Variants in TRIM37 observed in about 807,000 individuals in gnomAD.
TRIM37 encodes E3 ubiquitin-protein ligase TRIM37.
In TRIM37, 80 loss-of-function variants were observed where a neutral mutation model predicts 129.8. That is an observed-to-expected ratio of 0.62 (90% CI 0.51 to 0.74). The LOEUF is 0.74. Among genes scored for constraint, TRIM37 ranks in the 30% least tolerant of loss-of-function variants. TRIM37 has a pLI of 0.00. For missense variants in TRIM37, 1,054 were observed against 1,176.5 expected (o/e 0.90, Z 1.52); for synonymous variants, 389 against 387.1 (o/e 1.00, Z -0.06).
chr17:59,049,128 C>A, intron 15 of TRIM37, 50 bp downstream of exon 15: 1 of 1,454,902 alleles, frequency 6.9e-7, no homozygotes, highest in Non-Finnish European at 9.6e-7. Flanking sequence ...CATGATGCTA[C>A]TGTTTTTTTT....
chr17:59,091,098 G>A (rs564093441), intron 3 of TRIM37, among the ~76,000 whole-genome samples: 1 of 152,138 alleles, frequency 6.6e-6, no homozygotes, highest in South Asian at 2.1e-4. Context: ...GAGAGGCAGA[G>A]TACAACATAG....
Position 59,015,680 on chromosome 17 carries a change from C to A in TRIM37, c.2506G>T (p.Asp836Tyr). The A allele has an allele frequency of 6.2e-7, 1 of 1,614,166 alleles. No individual in the cohort carries two copies. The highest frequency in any genetic ancestry group is 8.5e-7 in the Non-Finnish European group (1 of 1,180,028). Residue 836 changes from aspartate (D) to tyrosine (Y), a missense_variant, in exon 21 of 24, where the codon GAT becomes TAT. By Grantham distance (160) the Asp-to-Tyr change is radical. This residue lies in a region of TRIM37 where 287 missense variants were observed against 274.3 expected (regional missense o/e 1.05). Coordinates refer to ENST00000262294, the MANE Select transcript of TRIM37 (RefSeq NM_015294.6). ...EDRQCKALDS[D>Y]AVVVAVFSGL... ...CTGAAAACTGCAACCACAACAGCAT[C>A]TGAATCCAAAGCTTTACACTGCCGG...
At chr17:59,013,669 TATC>T (rs2035569760) in intron 21 of TRIM37, among the ~76,000 whole-genome samples, 1 of 152,054 alleles carries the variant, frequency 6.6e-6, no homozygotes, top group African/African-American at 2.4e-5. Context: ...TTGAAACACT[TATC>T]ATTAGTATTT....
At chr17:59,026,250 C>G (rs1038036149) in intron 19 of TRIM37, among the ~76,000 whole-genome samples, 4 of 152,120 alleles carry the variant, frequency 2.6e-5, no homozygotes, top group Admixed American at 6.5e-5. Context: ...ACACCATAAA[C>G]AAAATTTAAT....
intron 9 of TRIM37, among the ~76,000 whole-genome samples, chr17:59,065,423 C>A (rs1206052632): frequency 1.3e-5 from 2 of 152,182 alleles, no homozygotes; most frequent in Admixed American, 1.3e-4. Context: ...TGGACTAGCA[C>A]ACTCACACTT....
At chr17:59,097,189 T>C (rs1041043683) in intron 2 of TRIM37, among the ~76,000 whole-genome samples, 3 of 152,094 alleles carry the variant, frequency 2.0e-5, no homozygotes, top group African/African-American at 7.2e-5. Context: ...ACTCTTCCCC[T>C]TAAGATCAGG....
chr17:59,103,139 C>T (rs2045666108), intron 2 of TRIM37, among the ~76,000 whole-genome samples: 2 of 152,054 alleles, frequency 1.3e-5, no homozygotes, highest in South Asian at 4.2e-4. Context: ...TCCCAAAATG[C>T]CGGGATTACA....
At chr17:59,075,563 CAAAAAAAAA>C in intron 8 of TRIM37, 75 bp downstream of exon 8, 1 of 487,256 alleles carries the variant, frequency 2.1e-6, no homozygotes, top group East Asian at 4.7e-5. Context: ...GACTCCATCT[CAAAAAAAAA>C]AAAAAAAAAA....
intron 4 of TRIM37, 126 bp downstream of exon 4, chr17:59,088,165 A>G: frequency 1.5e-6 from 1 of 683,814 alleles, no homozygotes; most frequent in Non-Finnish European, 2.6e-6. Flanking sequence ...TGACTGAAAG[A>G]ATTAAAAACA....
chr17:59,076,080 T>C (rs1486299393), intron 7 of TRIM37, among the ~76,000 whole-genome samples: 1 of 152,228 alleles, frequency 6.6e-6, no homozygotes, highest in Non-Finnish European at 1.5e-5. Context: ...TCTGAAATCA[T>C]TTTTCACCAA....
At chr17:59,083,161 C>A (rs989358775) in intron 5 of TRIM37, among the ~76,000 whole-genome samples, 2 of 152,090 alleles carry the variant, frequency 1.3e-5, no homozygotes, top group Non-Finnish European at 2.9e-5. Context: ...AGAGGCTGGG[C>A]GCGGTGGCTT....
chr17:59,012,218 G>C (rs942959194), intron 22 of TRIM37, 110 bp downstream of exon 22: 51 of 702,010 alleles, frequency 7.3e-5, no homozygotes, highest in Non-Finnish European at 3.0e-5. Context: ...ACTACCACCA[G>C]CAGCAGCAGC....
intron 21 of TRIM37, 115 bp downstream of exon 21, chr17:59,015,495 T>A (rs1258685740): frequency 1.3e-5 from 14 of 1,073,656 alleles, no homozygotes; most frequent in Non-Finnish European, 1.8e-5. Context: ...GTATTTTCTG[T>A]CCACTAAAAA....
chr17:59,031,857 C>A (rs757463202), intron 18 of TRIM37, 39 bp downstream of exon 18: 29 of 1,600,816 alleles, frequency 1.8e-5, no homozygotes, highest in Non-Finnish European at 2.5e-5. Flanking sequence ...TTTTAGAGAA[C>A]CACAGAAAAA....
chr17:58,971,019 G>A, the TRIM37 span, among the ~76,000 whole-genome samples: 68 of 152,014 alleles, frequency 4.5e-4, 1 homozygote, highest in Admixed American at 4.2e-3. Flanking sequence ...TGTTTTGTCA[G>A]TGACCCTGGT....
intron 11 of TRIM37, 87 bp downstream of exon 11, chr17:59,062,480 C>T (rs1453124991): frequency 9.5e-7 from 1 of 1,049,534 alleles, no homozygotes; most frequent in Non-Finnish European, 1.5e-6. Flanking sequence ...GAAGAGTTAA[C>T]AGTTCTCAGT....
chr17:59,015,070 CCA>C (rs1449806660), intron 21 of TRIM37, among the ~76,000 whole-genome samples: 7 of 142,284 alleles, frequency 4.9e-5, no homozygotes, highest in East Asian at 4.1e-4. Context: ...GAGCGAGACT[CCA>C]TCTCAAAAAA....
chr17:59,048,857 A>G (rs1303396849), intron 15 of TRIM37, among the ~76,000 whole-genome samples: 1 of 152,246 alleles, frequency 6.6e-6, no homozygotes, highest in Non-Finnish European at 1.5e-5. Flanking sequence ...TTGGCCTCCC[A>G]AAGTGCTGGG....
intron 1 of TRIM37, among the ~76,000 whole-genome samples, chr17:59,105,909 T>A (rs199966617): frequency 2.7e-5 from 2 of 73,280 alleles, no homozygotes; most frequent in Non-Finnish European, 8.0e-5. Flanking sequence ...ATCCTACATA[T>A]CCCAACTATT....
Sources: gnomAD v4.1 joint callset for allele counts (sites outside exome capture counted in the v4.1 genomes callset) on GRCh38, gnomAD v4.1.1 for gene constraint, gnomAD v4.1.1 regional missense constraint, MANE v1.5 for transcripts, NCBI Gene and HGNC (gene_info 2026-07-23, HGNC 2026-07-21) for gene names.